ADAM22: variants seen among roughly 807,000 people sequenced by gnomAD.
ADAM22 encodes the protein ADAM metallopeptidase domain 22.
ADAM22 carries 65 observed loss-of-function variants against 144.6 expected under a neutral mutation model. The observed-to-expected ratio is 0.45, with a 90% CI of 0.37 to 0.55. The LOEUF is 0.55. Ranked by LOEUF, ADAM22 falls within the 20% of genes least tolerant of loss-of-function variation. The probability of loss-of-function intolerance (pLI) is 0.00; values close to 1 mark genes in which losing one functional copy is unlikely to be tolerated. For missense variants in ADAM22, 974 were observed against 1,184.9 expected (o/e 0.82, Z 2.61); for synonymous variants, 391 against 412.6 (o/e 0.95, Z 0.63).
At chr7:88,024,705 C>T (rs907014066) in intron 3 of ADAM22, among the ~76,000 whole-genome samples, 1 of 131,730 alleles carries the variant, frequency 7.6e-6, no homozygotes, top group Admixed American at 8.0e-5. Context: ...TCCCCCCTCC[C>T]CCCACCTCAC....
At chr7:87,983,174 T>C (rs1854132426) in intron 3 of ADAM22, among the ~76,000 whole-genome samples, 1 of 152,156 alleles carries the variant, frequency 6.6e-6, no homozygotes, top group Admixed American at 6.5e-5. Context: ...TTTTGCCTCT[T>C]TTAAAATAGA....
chr7:88,046,269 G>T (rs1161813402), intron 3 of ADAM22, among the ~76,000 whole-genome samples: 2 of 152,062 alleles, frequency 1.3e-5, no homozygotes, highest in Non-Finnish European at 1.5e-5. Flanking sequence ...ATTCTTACTT[G>T]TGTGAGGTGA....
intron 3 of ADAM22, among the ~76,000 whole-genome samples, chr7:88,000,542 A>G (rs921689734): frequency 1.3e-5 from 2 of 152,172 alleles, no homozygotes; most frequent in Non-Finnish European, 2.9e-5. Flanking sequence ...TTATTTTACT[A>G]ATGTCTTCAT....
intron 3 of ADAM22, among the ~76,000 whole-genome samples, chr7:87,993,776 G>T (rs1790452028): frequency 6.6e-6 from 1 of 152,132 alleles, no homozygotes; most frequent in Non-Finnish European, 1.5e-5. Context: ...TTGCCTCTTT[G>T]GGGTAACTCA....
intron 3 of ADAM22, among the ~76,000 whole-genome samples, chr7:87,980,691 TTATATC>T (rs1297437659): frequency 6.6e-6 from 1 of 152,150 alleles, no homozygotes; most frequent in Non-Finnish European, 1.5e-5. Flanking sequence ...TATAAGTAGA[TTATATC>T]TATAAGTAGA....
chr7:87,936,410 C>T (rs1212778635), intron 2 of ADAM22, among the ~76,000 whole-genome samples: 1 of 152,102 alleles, frequency 6.6e-6, no homozygotes, highest in Non-Finnish European at 1.5e-5. Context: ...AAGCAGGGGC[C>T]ATAGTTTCCC....
chr7:88,190,158 G>A lies in ADAM22; in HGVS notation c.2751-2958G>A, dbSNP rs563425894. 2.6e-5 allele frequency among the ~76,000 whole-genome samples: 4 copies of A among 152,272 alleles called. No homozygotes were observed. The South Asian group carries it at 6.2e-4, about 24-fold the overall frequency. ...AGGAAGTTTGATGTAGCCCCAAGAG[G>A]CACCACAATCCATTGGCACACAAAC... On this transcript the variant is annotated intron_variant, in intron 30 of 31. Coordinates refer to ENST00000413139, the MANE Select transcript of ADAM22 (RefSeq NM_001324418.2).
intron 5 of ADAM22, among the ~76,000 whole-genome samples, chr7:88,110,169 T>C (rs922963483): frequency 1.1e-4 from 17 of 152,164 alleles, no homozygotes; most frequent in Non-Finnish European, 2.2e-4. Flanking sequence ...AATCCATGCT[T>C]AATATCAGAC....
intron 2 of ADAM22, among the ~76,000 whole-genome samples, chr7:87,955,802 T>G (rs1337851359): frequency 1.3e-5 from 2 of 152,186 alleles, no homozygotes; most frequent in Non-Finnish European, 2.9e-5. Context: ...TCCTGGCTGC[T>G]TCGTTTACCT....
intron 26 of ADAM22, among the ~76,000 whole-genome samples, chr7:88,176,456 C>G (rs1057411108): frequency 6.6e-6 from 1 of 152,064 alleles, no homozygotes; most frequent in East Asian, 1.9e-4. Flanking sequence ...TGACTGAAAC[C>G]CACAGTTTAT....
In ADAM22 at chr7:88,199,986, A is replaced by G. The variant is rs1407276173; in HGVS notation, c.*3495A>G. On this transcript the variant is annotated 3_prime_UTR_variant, in exon 32 of 32. Coordinates refer to ENST00000413139, the MANE Select transcript of ADAM22 (RefSeq NM_001324418.2). ...GAAGGACTATTTATGTTTGAATTTC[A>G]TAACAGGCTTACATTTCTTTTCTAT... 2.0e-5 allele frequency: 3 copies of G among 152,250 alleles called. No homozygotes were observed. The highest frequency in any genetic ancestry group is 2.9e-5 in the Non-Finnish European group (2 of 68,042). The allele number at this position is 152,250 out of a possible 1,614,324, so 9.4% of individuals were successfully genotyped here.
At chr7:88,075,990 C>T (rs1169796679) in intron 4 of ADAM22, among the ~76,000 whole-genome samples, 6 of 152,002 alleles carry the variant, frequency 3.9e-5, no homozygotes, top group African/African-American at 1.5e-4. Context: ...CTTTTAATGG[C>T]AAAAACCCCA....
chr7:87,977,823 G>A (rs984109382), intron 2 of ADAM22, among the ~76,000 whole-genome samples: 2 of 151,918 alleles, frequency 1.3e-5, no homozygotes, highest in Non-Finnish European at 2.9e-5. Flanking sequence ...AGGAAGATGT[G>A]GAAACCTTGA....
At chr7:87,999,056 A>G (rs777716154) in intron 3 of ADAM22, among the ~76,000 whole-genome samples, 4 of 152,226 alleles carry the variant, frequency 2.6e-5, no homozygotes, top group Non-Finnish European at 5.9e-5. Flanking sequence ...ACATTATAAA[A>G]AGTTACTGGT....
chr7:88,084,719 A>G (rs1024771991), intron 4 of ADAM22, among the ~76,000 whole-genome samples: 1 of 152,198 alleles, frequency 6.6e-6, no homozygotes, highest in Non-Finnish European at 1.5e-5. Context: ...CCTTCCCTGC[A>G]GTACCTTTTT....
intron 5 of ADAM22, among the ~76,000 whole-genome samples, chr7:88,110,496 A>G (rs13234922): frequency 0.072 from 10,918 of 152,110 alleles, 502 homozygotes; most frequent in Admixed American, 0.11. Flanking sequence ...TCTAAGGGCT[A>G]TAAATGGACC....
intron 3 of ADAM22, among the ~76,000 whole-genome samples, chr7:88,016,549 T>C (rs1237258864): frequency 6.6e-6 from 1 of 152,220 alleles, no homozygotes; most frequent in Non-Finnish European, 1.5e-5. Context: ...TTTTTTCTTA[T>C]GTGAAAATTT....
intron 3 of ADAM22, among the ~76,000 whole-genome samples, chr7:88,009,758 C>T (rs1794939116): frequency 6.6e-6 from 1 of 152,120 alleles, no homozygotes; most frequent in Admixed American, 6.6e-5. Flanking sequence ...CCTTTTATCC[C>T]TACTACCCTA....
At chr7:88,174,101 C>A (rs755870093) in intron 26 of ADAM22, among the ~76,000 whole-genome samples, 19 of 152,120 alleles carry the variant, frequency 1.2e-4, no homozygotes, top group Non-Finnish European at 2.6e-4. Context: ...ATGGGCATAA[C>A]TTTCCAATTC....
Sources: gnomAD v4.1 joint callset for allele counts (sites outside exome capture counted in the v4.1 genomes callset) on GRCh38, gnomAD v4.1.1 for gene constraint, MANE v1.5 for transcripts, NCBI Gene and HGNC (gene_info 2026-07-23, HGNC 2026-07-21) for gene names.